The following CTNND2 variants were observed in gnomAD, a reference collection of about 807,000 sequenced individuals.
CTNND2 encodes catenin delta 2.
A neutral mutation model predicts 144.4 loss-of-function variants in CTNND2; 22 were observed. That is an observed-to-expected ratio of 0.15 (90% confidence interval 0.11 to 0.22). The LOEUF is 0.22. CTNND2 is among the 10% of genes least tolerant of loss of function. The pLI, the probability that CTNND2 is intolerant of heterozygous loss-of-function variation, is 1.00. For missense variants in CTNND2, 1,353 were observed against 1,618.8 expected (o/e 0.84, Z 2.82); for synonymous variants, 751 against 695.6 (o/e 1.08, Z -1.25).
chr5:11,309,566 T>A (rs1274854138), intron 9 of CTNND2, among the ~76,000 whole-genome samples: 1 of 152,202 alleles, frequency 6.6e-6, no homozygotes, highest in Non-Finnish European at 1.5e-5. Flanking sequence ...GTTCTGATTT[T>A]TCAGGCTCAT....
rs950435464 is a variant in CTNND2 at position 11,402,827 on chromosome 5, C to T, written c.440-5624G>A. Among the ~76,000 whole-genome samples, 3 of 152,198 alleles carry T rather than the reference C, an allele frequency of 2.0e-5. 1 individual carries two copies. The highest frequency in any genetic ancestry group is 2.0e-4 in the Admixed American group (3 of 15,274). On this transcript the variant is annotated intron_variant, in intron 5 of 21. Transcript: ENST00000304623. ...AATATCTATTTCGTCTGGTCAGTTG[C>T]TTTCAATGTGTAATGCTTTATGTGA... is the stretch of plus-strand genomic sequence containing the variant.
rs1028022522 is a variant in CTNND2 at position 11,465,398 on chromosome 5, T to G, written c.288-53329A>C. ...TGCTCAGAATTATTGTGGATAGAGA[T>G]GCAATGTTTGTGCAACTGGTAAAAA... On this transcript the variant is annotated intron_variant, in intron 3 of 21. Coordinates refer to ENST00000304623, the MANE Select transcript of CTNND2 (RefSeq NM_001332.4). Among the ~76,000 whole-genome samples, 11 of 152,124 alleles carry G rather than the reference T, an allele frequency of 7.2e-5. No individual in the cohort carries two copies. The East Asian group carries it at 2.1e-3, about 29-fold the overall frequency.
At chr5:11,209,754 C>G (rs1738429346) in intron 10 of CTNND2, among the ~76,000 whole-genome samples, 1 of 152,046 alleles carries the variant, frequency 6.6e-6, no homozygotes, top group South Asian at 2.1e-4. Context: ...AACCCCGTCT[C>G]TACTAAAAAT....
At chr5:11,728,137 T>A (rs1787123237) in intron 2 of CTNND2, among the ~76,000 whole-genome samples, 1 of 152,084 alleles carries the variant, frequency 6.6e-6, no homozygotes, top group South Asian at 2.1e-4. Flanking sequence ...TGACACAACA[T>A]ATATAAAGTA....
chr5:11,243,673 C>T (rs1187134833), intron 9 of CTNND2, among the ~76,000 whole-genome samples: 1 of 152,212 alleles, frequency 6.6e-6, no homozygotes, highest in Non-Finnish European at 1.5e-5. Context: ...AATCCTCACT[C>T]TTACATGGGC....
chr5:11,356,238 C>A (rs1443584338), intron 8 of CTNND2, among the ~76,000 whole-genome samples: 2 of 151,986 alleles, frequency 1.3e-5, no homozygotes, highest in Non-Finnish European at 2.9e-5. Flanking sequence ...CCCTTAAGAG[C>A]CAAAGCAATC....
rs1738125812 is a variant in CTNND2 at position 11,903,967 on chromosome 5, C to G, written c.-114G>C. On this transcript the variant is annotated 5_prime_UTR_variant, in exon 1 of 22. Transcript: ENST00000304623. The surrounding 1 kb of genome is among the most constrained non-coding windows in gnomAD (Gnocchi z 5.4). Reference sequence around the variant, plus strand: ...CTGCAGCATCTTCCGCTTTTGTTGTCTGAGCGCGGCCGCGGGACAAGGGAT... The same window carrying G: ...CTGCAGCATCTTCCGCTTTTGTTGTGTGAGCGCGGCCGCGGGACAAGGGAT... 1.7e-6 allele frequency: 2 copies of G among 1,210,660 alleles called. No individual in the cohort carries two copies. Among genetic ancestry groups the G allele is most frequent in the Non-Finnish European group, 2.1e-6 (2 of 953,992 alleles). 75.0% of individuals were successfully genotyped at this position (1,210,660 alleles called of 1,614,324 possible).
chr5:11,112,853 C>A (rs1325213758), intron 13 of CTNND2, among the ~76,000 whole-genome samples: 1 of 152,040 alleles, frequency 6.6e-6, no homozygotes, highest in Non-Finnish European at 1.5e-5. Flanking sequence ...TTAACAGTAT[C>A]ATGTACAGGC....
At chr5:10,987,004 C>T (rs188391156) in intron 20 of CTNND2, among the ~76,000 whole-genome samples, 135 of 152,326 alleles carry the variant, frequency 8.9e-4, no homozygotes, top group Non-Finnish European at 1.5e-3. Context: ...GTCTGCACGG[C>T]GCCCTTTGCG....
At chr5:11,331,343 G>T (rs1268633752) in intron 9 of CTNND2, among the ~76,000 whole-genome samples, 2 of 152,090 alleles carry the variant, frequency 1.3e-5, no homozygotes, top group Non-Finnish European at 2.9e-5. Context: ...CAGTATGAGG[G>T]GAAATTAACC....
intron 3 of CTNND2, among the ~76,000 whole-genome samples, chr5:11,419,045 T>C (rs986708463): frequency 2.7e-4 from 38 of 139,434 alleles, no homozygotes; most frequent in African/African-American, 1.1e-3. Flanking sequence ...GATATATAGA[T>C]AGACATCTAT....
intron 3 of CTNND2, among the ~76,000 whole-genome samples, chr5:11,519,665 C>T (rs754374144): frequency 1.1e-4 from 16 of 152,054 alleles, no homozygotes; most frequent in Non-Finnish European, 7.4e-5. Context: ...TATTTTTCAT[C>T]TCCTCATACC....
chr5:11,726,098 T>G (rs1385978600), intron 2 of CTNND2, among the ~76,000 whole-genome samples: 1 of 152,188 alleles, frequency 6.6e-6, no homozygotes, highest in Non-Finnish European at 1.5e-5. Flanking sequence ...TGAATCTTTT[T>G]TTTTCAAACC....
intron 1 of CTNND2, among the ~76,000 whole-genome samples, chr5:11,784,264 A>G (rs1790711559): frequency 6.6e-6 from 1 of 152,236 alleles, no homozygotes; most frequent in African/African-American, 2.4e-5. Context: ...GGGAAAATAT[A>G]AGAGAAATGA....
At chr5:11,219,840 T>A (rs1739605296) in intron 10 of CTNND2, among the ~76,000 whole-genome samples, 1 of 152,196 alleles carries the variant, frequency 6.6e-6, no homozygotes, top group Non-Finnish European at 1.5e-5. Flanking sequence ...GCTCTGAAAT[T>A]TTAGATCTCT....
intron 3 of CTNND2, among the ~76,000 whole-genome samples, chr5:11,428,468 A>G (rs1471664491): frequency 6.6e-6 from 1 of 152,174 alleles, no homozygotes; most frequent in African/African-American, 2.4e-5. Context: ...GAGGCTCTGT[A>G]TCCTCTGAGA....
chr5:11,534,801 A>G (rs1379200639), intron 3 of CTNND2, among the ~76,000 whole-genome samples: 1 of 152,174 alleles, frequency 6.6e-6, no homozygotes, highest in African/African-American at 2.4e-5. Context: ...GAAATATGTA[A>G]GTTAGTTTTT....
intron 16 of CTNND2, among the ~76,000 whole-genome samples, chr5:11,077,411 G>A (rs1034562291): frequency 6.6e-6 from 1 of 152,182 alleles, no homozygotes; most frequent in Non-Finnish European, 1.5e-5. Flanking sequence ...GGACTGAGCT[G>A]CATGAATGCC....
intron 9 of CTNND2, among the ~76,000 whole-genome samples, chr5:11,284,723 T>C (rs1168052287): frequency 2.0e-5 from 3 of 152,356 alleles, no homozygotes; most frequent in Non-Finnish European, 2.9e-5. Context: ...GCAATGAACA[T>C]ACATGTACAT....
Sources: gnomAD v4.1 joint callset for allele counts (sites outside exome capture counted in the v4.1 genomes callset) on GRCh38, gnomAD v4.1.1 for gene constraint, Gnocchi (gnomAD v3.1) non-coding constraint, MANE v1.5 for transcripts, NCBI Gene and HGNC (gene_info 2026-07-23, HGNC 2026-07-21) for gene names.